Variants in SLC28A2 observed in about 807,000 individuals in gnomAD.
SLC28A2 encodes solute carrier family 28 member 2.
SLC28A2 carries 69 observed loss-of-function variants against 72.9 expected under a neutral mutation model. That is an observed-to-expected ratio of 0.95 (90% CI 0.78 to 1.16). The LOEUF (loss-of-function observed/expected upper bound fraction) is 1.16. SLC28A2 is among the 50% of genes most tolerant of loss of function. SLC28A2 has a pLI of 0.00. For missense variants in SLC28A2, 745 were observed against 791.1 expected (o/e 0.94, Z 0.70); for synonymous variants, 296 against 294.1 (o/e 1.01, Z -0.07).
At position 45,267,486 on chromosome 15, in the gene SLC28A2, T is replaced by C. The variant is rs774670085; in HGVS notation, c.974T>C (p.Leu325Pro). The C allele has an allele frequency of 3.1e-6, 5 of 1,614,104 alleles. No individual in the cohort carries two copies. Among genetic ancestry groups the C allele is most frequent in the Non-Finnish European group, 4.2e-6 (5 of 1,179,950 alleles). The change falls in exon 11 of 18, where the codon CTT (leucine) becomes CCT (proline). Residue 325 changes from leucine (L) to proline (P), a missense_variant. Transcript: ENST00000347644. ...TEAPLLIRPY[L>P]GDMTLSEIHA... The stretch of plus-strand genomic sequence containing the variant: ...GCACCTCTGCTCATCCGTCCCTACC[T>C]TGGGGACATGACACTCTCTGAAATC...
At position 45,275,740 on chromosome 15, in the gene SLC28A2, CCTGGCTA is replaced by C. The variant is rs1368756614; in HGVS notation, c.*228_*234del. On this transcript the variant is annotated 3_prime_UTR_variant, in exon 18 of 18. Coordinates refer to ENST00000347644, the MANE Select transcript of SLC28A2 (RefSeq NM_004212.4). The stretch of plus-strand genomic sequence containing the variant: ...CACAAGGTCAGGAGATCGAGACCAT[CCTGGCTA>C]ACACAGTGAAACCCCGTCTCTACTA... 5.1e-6 allele frequency: 2 copies of C among 394,004 alleles called. No individual in the cohort carries two copies. Among genetic ancestry groups the C allele is most frequent in the Non-Finnish European group, 9.3e-6 (2 of 216,214 alleles). The allele number at this position is 394,004 out of a possible 1,614,324, so 24.4% of individuals were successfully genotyped here.
In SLC28A2 at chr15:45,272,726, A is replaced by C. The variant is rs746712067; in HGVS notation, c.1801A>C (p.Thr601Pro). The C allele has an allele frequency of 6.2e-7, 1 of 1,613,424 alleles. No homozygotes were observed. The highest frequency in any genetic ancestry group is 2.2e-5 in the East Asian group (1 of 44,876). Residue 601 changes from threonine (T) to proline (P), a missense_variant, in exon 17 of 18, where the codon ACA (threonine) becomes CCA (proline). Coordinates refer to ENST00000347644, the MANE Select transcript of SLC28A2 (RefSeq NM_004212.4). ...AGCTGACTGTGTCTCCTTCCCAAAC[A>C]CAAGTTTCACCAATAGAACCTATGA... ...AEADCVSFPNTSFTNRTYETY... is the reference protein window; with the variant it reads ...AEADCVSFPNPSFTNRTYETY...
chr15:45,256,074 C>A (rs905898316), intron 3 of SLC28A2: 2 of 152,242 alleles, frequency 1.3e-5, no homozygotes, highest in African/African-American at 4.8e-5. Context: ...GTTGTTGGCA[C>A]CTTAAACTGC....
intron 3 of SLC28A2, among the ~76,000 whole-genome samples, chr15:45,254,692 C>A (rs2140557537): frequency 6.6e-6 from 1 of 152,308 alleles, no homozygotes; most frequent in South Asian, 2.1e-4. Context: ...AGCTTCCAAA[C>A]AAAAGGTTAT....
At position 45,266,086 on chromosome 15, in the gene SLC28A2, C is replaced by T; in HGVS notation, c.867C>T (p.Ala289=). Residue 289 remains alanine, a synonymous_variant, in exon 10 of 18, where the codon GCC becomes GCT. Transcript: ENST00000347644. ...AGGTTTCTGTATTCTTCTAGGTCGCCTGGTTTTTACAAATCACTATGGGCA... is the reference window on the plus strand; with the variant it reads ...AGGTTTCTGTATTCTTCTAGGTCGCTTGGTTTTTACAAATCACTATGGGCA... ...GLVQWVVQKV[A]WFLQITMGTT... 2 of 1,611,788 alleles carry T rather than the reference C, an allele frequency of 1.2e-6. No individual in the cohort carries two copies. The highest frequency in any genetic ancestry group is 1.7e-6 in the Non-Finnish European group (2 of 1,177,940).
intron 15 of SLC28A2, among the ~76,000 whole-genome samples, chr15:45,271,321 T>G (rs528238631): frequency 6.6e-6 from 1 of 152,160 alleles, no homozygotes; most frequent in Non-Finnish European, 1.5e-5. Flanking sequence ...ATCCCAACAC[T>G]TTGGGCCAAG....
At chr15:45,252,373 C>T in intron 1 of SLC28A2, 95 bp downstream of exon 1, 3 of 449,462 alleles carry the variant, frequency 6.7e-6, no homozygotes, top group South Asian at 4.7e-5. Context: ...TGTGCCTAGT[C>T]AGGAAGGCCC....
chr15:45,272,729 A>C lies in SLC28A2; in HGVS notation c.1804A>C (p.Ser602Arg). Residue 602 changes from serine (S) to arginine (R), a missense_variant, in exon 17 of 18, where the codon AGT (serine) becomes CGT (arginine). Transcript: ENST00000347644. ...TGACTGTGTCTCCTTCCCAAACACA[A>C]GTTTCACCAATAGAACCTATGAGAC... Reference protein sequence around the residue: ...EADCVSFPNTSFTNRTYETYM... With the variant: ...EADCVSFPNTRFTNRTYETYM... The C allele has an allele frequency of 6.2e-7, 1 of 1,613,400 alleles. No homozygotes were observed.
At chr15:45,261,267 A>T (rs771024394) in intron 3 of SLC28A2, among the ~76,000 whole-genome samples, 7 of 152,196 alleles carry the variant, frequency 4.6e-5, no homozygotes, top group Non-Finnish European at 1.0e-4. Flanking sequence ...GATGGTTAAG[A>T]GCTCAGATGC....
At chr15:45,259,042 G>T (rs2140563118) in intron 3 of SLC28A2, among the ~76,000 whole-genome samples, 1 of 152,126 alleles carries the variant, frequency 6.6e-6, no homozygotes, top group South Asian at 2.1e-4. Flanking sequence ...TTCCCTAATG[G>T]CTAAGGAACT....
intron 17 of SLC28A2, among the ~76,000 whole-genome samples, chr15:45,274,670 T>A (rs942524893): frequency 1.4e-4 from 22 of 152,272 alleles, no homozygotes; most frequent in African/African-American, 3.4e-4. Context: ...CATATTTTTT[T>A]AAAAATTCTT....
At chr15:45,254,438 A>G (rs1412795622) in intron 3 of SLC28A2, among the ~76,000 whole-genome samples, 1 of 152,220 alleles carries the variant, frequency 6.6e-6, no homozygotes, top group Non-Finnish European at 1.5e-5. Flanking sequence ...TAGATACACA[A>G]ATACTTACCA....
At chr15:45,267,636 A>T (rs1567060591) in intron 11 of SLC28A2, 30 bp from the exon 12 acceptor site, 2 of 1,613,974 alleles carry the variant, frequency 1.2e-6, no homozygotes, top group Non-Finnish European at 1.7e-6. Flanking sequence ...TTTGATAGAA[A>T]CACTGATGCC....
intron 3 of SLC28A2, 23 bp from the exon 4 acceptor site, chr15:45,261,992 C>T: frequency 6.6e-7 from 1 of 1,508,994 alleles, no homozygotes; most frequent in Non-Finnish European, 9.2e-7. Context: ...ATTCTTGTAT[C>T]TTAACTTTTG....
rs1900385212 is a variant in SLC28A2 at position 45,267,686 on chromosome 15, T to C, written c.1089T>C (p.Ile363=). 3.7e-6 allele frequency: 6 copies of C among 1,614,126 alleles called. No homozygotes were observed. In the East Asian group the frequency reaches 1.3e-4, roughly 36 times the overall value. Residue 363 remains isoleucine (I), a synonymous_variant, in exon 12 of 18, where the codon ATT becomes ATC. Transcript: ENST00000347644. ...IAFGVDASSL[I]SASVMAAPCA... is the part of the protein sequence containing the mutation. ...CACAGGTTGATGCATCATCCCTGAT[T>C]TCTGCCTCTGTGATGGCCGCCCCTT...
Position 45,263,121 on chromosome 15 carries a change from T to C in SLC28A2, c.323T>C (p.Phe108Ser), listed in dbSNP as rs1046261665. The C allele has an allele frequency of 6.2e-7, 1 of 1,614,054 alleles. No individual in the cohort carries two copies. Among genetic ancestry groups the C allele is most frequent in the Non-Finnish European group, 8.5e-7 (1 of 1,179,922 alleles). Residue 108 changes from phenylalanine to serine, a missense_variant, in exon 5 of 18, where the codon TTT becomes TCT. Transcript: ENST00000347644. ...ILNFQRALAL[F>S]VITCLVIFVL... ...AATTTCCAGAGGGCACTGGCCTTGT[T>C]TGTCATCACCTGCTTGGTGATCTTT...
At chr15:45,265,011 A>C in intron 7 of SLC28A2, 78 bp from the exon 8 acceptor site, 1 of 1,154,600 alleles carries the variant, frequency 8.7e-7, no homozygotes, top group Non-Finnish European at 1.3e-6. Flanking sequence ...CTCAGGACGC[A>C]TGGGGCTGGT....
chr15:45,264,581 G>A, intron 6 of SLC28A2, 74 bp from the exon 7 acceptor site: 1 of 1,003,788 alleles, frequency 1.0e-6, no homozygotes, highest in Non-Finnish European at 1.6e-6. Context: ...TCCACCCAGA[G>A]TACATGTTTA....
intron 16 of SLC28A2, 76 bp downstream of exon 16, chr15:45,272,469 T>C (rs1436805917): frequency 4.1e-6 from 5 of 1,216,882 alleles, no homozygotes; most frequent in East Asian, 2.3e-5. Context: ...GAAGGTAGAA[T>C]TGTCCTTGAG....
Sources: allele counts gnomAD v4.1 joint callset (sites outside exome capture counted in the v4.1 genomes callset), GRCh38; gene constraint gnomAD v4.1.1; transcripts MANE v1.5; gene names NCBI Gene and HGNC (gene_info 2026-07-23, HGNC 2026-07-21).